Variants in CGGBP1 observed in about 807,000 individuals in gnomAD.
The protein encoded by CGGBP1 is CGG triplet repeat-binding protein 1.
A neutral mutation model predicts 11.4 loss-of-function variants in CGGBP1; 4 were observed. The ratio of observed to expected loss-of-function variants is 0.35; its 90% CI spans 0.17 to 0.80. The LOEUF (loss-of-function observed/expected upper bound fraction) is 0.80, where lower values mean the gene tolerates loss of function less well. Among genes scored for constraint, CGGBP1 ranks in the 30% least tolerant of loss-of-function variants. CGGBP1 has a pLI of 0.52. For synonymous variants in CGGBP1, 76 were observed against 74.1 expected (o/e 1.03, Z -0.13); for missense variants, 135 against 202.1 (o/e 0.67, Z 2.01).
chr3:88,076,258 G>A lies in CGGBP1; in HGVS notation c.-228-18035C>T, dbSNP rs192089089. On this transcript the variant is annotated intron_variant, in intron 2 of 3. Transcript: ENST00000462901. ...AGCTTTTGCCATATTGCCATAGTTG[G>A]ATCTCCGGTCTGGTTCACTCTTGAC... Among the ~76,000 whole-genome samples, 73 of 152,224 alleles carry A rather than the reference G, an allele frequency of 4.8e-4. No individual in the cohort carries two copies. In the Middle Eastern group the frequency reaches 0.01, roughly 21 times the overall value.
intron 1 of CGGBP1, chr3:88,143,109 C>G (rs1287012024): frequency 6.6e-6 from 1 of 152,230 alleles, no homozygotes; most frequent in Non-Finnish European, 1.5e-5. Flanking sequence ...GGCAGATAAT[C>G]TCATCAGACC....
chr3:88,122,699 TA>T (rs1245616345), intron 2 of CGGBP1, among the ~76,000 whole-genome samples: 3 of 152,106 alleles, frequency 2.0e-5, no homozygotes, highest in Non-Finnish European at 4.4e-5. Context: ...ATTATTTAAG[TA>T]AATATTCTAG....
At chr3:88,139,799 T>C (rs1559737083) in intron 2 of CGGBP1, 1 of 1,556,734 alleles carries the variant, frequency 6.4e-7, no homozygotes, top group East Asian at 2.4e-5. Flanking sequence ...AAGGTGATTA[T>C]GAAGAAGATG....
At chr3:88,088,753 TATGTATGTATGG>T (rs1559701605) in intron 2 of CGGBP1, among the ~76,000 whole-genome samples, 12 of 118,186 alleles carry the variant, frequency 1.0e-4, no homozygotes, top group Admixed American at 3.9e-4. Flanking sequence ...TTTATGTATG[TATGTATGTATGG>T]ATGGATGGAT....
intron 2 of CGGBP1, among the ~76,000 whole-genome samples, chr3:88,114,170 C>A (rs1705254804): frequency 6.6e-6 from 1 of 152,038 alleles, no homozygotes; most frequent in South Asian, 2.1e-4. Context: ...GACAGAAAGA[C>A]AATCAAACCT....
chr3:88,063,897 C>T (rs900248914), upstream of CGGBP1, among the ~76,000 whole-genome samples: 8 of 152,080 alleles, frequency 5.3e-5, no homozygotes, highest in African/African-American at 1.9e-4. Context: ...TCTGACTTCC[C>T]AGTGGCAGGA....
At chr3:88,086,260 G>T in intron 2 of CGGBP1, 1 of 1,533,238 alleles carries the variant, frequency 6.5e-7, no homozygotes, top group Non-Finnish European at 8.7e-7. Flanking sequence ...CTGTCAGGTG[G>T]TTGAAGATTA....
At chr3:88,134,253 A>C (rs1430862635) in intron 2 of CGGBP1, among the ~76,000 whole-genome samples, 1 of 152,074 alleles carries the variant, frequency 6.6e-6, no homozygotes, top group Non-Finnish European at 1.5e-5. Context: ...CATGATGGTA[A>C]TCAAGCTGTC....
chr3:88,125,673 A>G (rs1007968389), intron 2 of CGGBP1, among the ~76,000 whole-genome samples: 6 of 152,188 alleles, frequency 3.9e-5, no homozygotes, highest in African/African-American at 9.7e-5. Context: ...GGATCAGGAC[A>G]GGAGACTTTT....
chr3:88,127,038 C>T (rs537494191), intron 2 of CGGBP1, among the ~76,000 whole-genome samples: 3 of 152,092 alleles, frequency 2.0e-5, no homozygotes, highest in African/African-American at 7.2e-5. Context: ...ATTCCTGAAC[C>T]CCAGAACATT....
At position 88,076,400 on chromosome 3, in the gene CGGBP1, A is replaced by G. The variant is rs188460176; in HGVS notation, c.-228-18177T>C. On this transcript the variant is annotated intron_variant, in intron 2 of 3. Transcript: ENST00000462901. Reference sequence around the variant, plus strand: ...TTTCCCCATTTTCATCTTTAAGTACAGTTACTTCTGATATATATCTCCTTT... The same window carrying G: ...TTTCCCCATTTTCATCTTTAAGTACGGTTACTTCTGATATATATCTCCTTT... Among the ~76,000 whole-genome samples, 3 of 152,054 alleles carry G rather than the reference A, an allele frequency of 2.0e-5. No homozygotes were observed. In the East Asian group the frequency reaches 5.8e-4, roughly 29 times the overall value.
At chr3:88,078,935 TAAA>T (rs1256870002) in intron 2 of CGGBP1, among the ~76,000 whole-genome samples, 16 of 152,048 alleles carry the variant, frequency 1.1e-4, no homozygotes, top group Admixed American at 9.8e-4. Context: ...ACTTTGATGA[TAAA>T]AAACTAACTT....
intron 2 of CGGBP1, chr3:88,113,195 A>C: frequency 6.5e-7 from 1 of 1,530,612 alleles, no homozygotes; most frequent in Non-Finnish European, 8.7e-7. Context: ...GGATCATTCC[A>C]GGTAAAAAAC....
intron 2 of CGGBP1, among the ~76,000 whole-genome samples, chr3:88,091,691 C>T (rs1051559242): frequency 8.5e-5 from 13 of 152,088 alleles, no homozygotes; most frequent in African/African-American, 2.9e-4. Context: ...ATCATGGGGT[C>T]GGGTTTTTCC....
At chr3:88,074,114 G>A (rs1038290352) in intron 2 of CGGBP1, among the ~76,000 whole-genome samples, 2 of 152,076 alleles carry the variant, frequency 1.3e-5, no homozygotes, top group Non-Finnish European at 1.5e-5. Context: ...CCATTTTTGA[G>A]TTCACAAAGA....
chr3:88,144,379 T>C (rs1707258994), intron 1 of CGGBP1: 1 of 152,440 alleles, frequency 6.6e-6, no homozygotes, highest in South Asian at 2.1e-4. Context: ...GGGATGATAG[T>C]GTTTATTTTT....
chr3:88,130,940 A>G (rs1559730615), intron 2 of CGGBP1, among the ~76,000 whole-genome samples: 2 of 152,114 alleles, frequency 1.3e-5, no homozygotes, highest in African/African-American at 4.8e-5. Flanking sequence ...TCAAATAGAG[A>G]AAGGGATTAG....
chr3:88,099,352 C>T (rs1284014008), intron 2 of CGGBP1, among the ~76,000 whole-genome samples: 2 of 152,184 alleles, frequency 1.3e-5, no homozygotes, highest in Non-Finnish European at 2.9e-5. Flanking sequence ...GAAGAATATT[C>T]CATGCTCATG....
At chr3:88,091,093 A>G (rs1346630472) in intron 2 of CGGBP1, among the ~76,000 whole-genome samples, 1 of 152,210 alleles carries the variant, frequency 6.6e-6, no homozygotes, top group Non-Finnish European at 1.5e-5. Flanking sequence ...CCAGGTGTGT[A>G]GTAGACTATA....
Sources: allele counts gnomAD v4.1 joint callset (sites outside exome capture counted in the v4.1 genomes callset), GRCh38; gene constraint gnomAD v4.1.1; transcripts MANE v1.5; gene names NCBI Gene and HGNC (gene_info 2026-07-23, HGNC 2026-07-21).